The following PRRC2A variants were observed in gnomAD, a reference collection of about 807,000 sequenced individuals.
PRRC2A encodes proline rich coiled-coil 2A.
In PRRC2A, 59 loss-of-function variants were observed where a neutral mutation model predicts 224.6. The ratio of observed to expected loss-of-function variants is 0.26; its 90% CI spans 0.21 to 0.33. The LOEUF (loss-of-function observed/expected upper bound fraction) is 0.33, where lower values mean the gene tolerates loss of function less well. Ranked by LOEUF, PRRC2A falls within the 10% of genes least tolerant of loss-of-function variation. The pLI is 1.00. For missense variants in PRRC2A, 3,095 were observed against 2,880.7 expected, an observed-to-expected ratio of 1.07 and a Z score of -1.70; for synonymous variants, 1,194 against 1,109.5, an observed-to-expected ratio of 1.08 and a Z score of -1.51.
At chr6:31,626,206 A>G in intron 9 of PRRC2A, 44 bp downstream of exon 9, 1 of 1,587,470 alleles carries the variant, frequency 6.3e-7, no homozygotes, top group Non-Finnish European at 8.6e-7. Flanking sequence ...TTGAAAGGCA[A>G]AACCTAATGA....
In PRRC2A at chr6:31,635,562, A is replaced by G; in HGVS notation, c.5374-20A>G. 4 of 1,611,054 alleles carry G rather than the reference A, an allele frequency of 2.5e-6. No homozygotes were observed. The highest frequency in any genetic ancestry group is 3.4e-6 in the Non-Finnish European group (4 of 1,178,566). On this transcript the variant is annotated intron_variant, in intron 23 of 30. Transcript: ENST00000376033. ...TCCAGGATGCCAGACATCCCTCTCC[A>G]CGAGGCCTCTCCTTCCCAGGCCATT...
At position 31,631,862 on chromosome 6, in the gene PRRC2A, T is replaced by A. The variant is rs1235438957; in HGVS notation, c.3189T>A (p.Asp1063Glu). The change falls in exon 16 of 31, where the codon GAT becomes GAA. Residue 1063 changes from aspartate to glutamate, a missense_variant. Physicochemically the swap from Asp to Glu is conservative, Grantham distance 45. Transcript: ENST00000376033. This position sits in a 1 kb window ranked among gnomAD's most constrained non-coding sequence, Gnocchi z 4.5. ...EFRSYREFRG[D>E]DGRGGGTGGP... ...GCAGTTACCGAGAGTTTCGAGGAGA[T>A]GATGGGCGTGGAGGTGGGACAGGGG... 6.2e-7 allele frequency: 1 copy of A among 1,608,238 alleles called. No homozygotes were observed. The highest frequency in any genetic ancestry group is 8.5e-7 in the Non-Finnish European group (1 of 1,178,058).
intron 2 of PRRC2A, chr6:31,623,258 G>GTTTT: frequency 2.8e-6 from 1 of 360,412 alleles, no homozygotes; most frequent in Non-Finnish European, 5.0e-6. Flanking sequence ...GGATTTCATA[G>GTTTT]ATTTTTTTTT....
chr6:31,635,511 G>T (rs1398240516), intron 23 of PRRC2A, 46 bp downstream of exon 23: 1 of 1,612,174 alleles, frequency 6.2e-7, no homozygotes, highest in African/African-American at 1.3e-5. Flanking sequence ...GATTTCTGGG[G>T]AAGATTGCTG....
chr6:31,633,715 G>A (rs1776961617), intron 17 of PRRC2A, 68 bp downstream of exon 17: 1 of 1,545,172 alleles, frequency 6.5e-7, no homozygotes, highest in Admixed American at 2.0e-5. Flanking sequence ...GGAGGGAGCG[G>A]GTGGAGAACC....
At position 31,635,240 on chromosome 6, in the gene PRRC2A, G is replaced by A; in HGVS notation, c.5269G>A (p.Gly1757Ser). 6.2e-7 allele frequency: 1 copy of A among 1,614,194 alleles called. No individual in the cohort carries two copies. Among genetic ancestry groups the A allele is most frequent in the Non-Finnish European group, 8.5e-7 (1 of 1,180,032 alleles). Reference sequence around the variant, plus strand: ...CCCCATTCGGCCATCCCATCGACCTGGTCCCCCAGTCCAGTTTGGCACTAG... The same window carrying A: ...CCCCATTCGGCCATCCCATCGACCTAGTCCCCCAGTCCAGTTTGGCACTAG... Reference protein sequence around the residue: ...PGPIRPSHRPGPPVQFGTSDK... With the variant: ...PGPIRPSHRPSPPVQFGTSDK... Residue 1757 changes from glycine to serine, a missense_variant, in exon 22 of 31, where the codon GGT (glycine) becomes AGT (serine). Transcript: ENST00000376033.
intron 14 of PRRC2A, 111 bp from the exon 15 acceptor site, chr6:31,630,480 A>G (rs1776422428): frequency 9.3e-7 from 1 of 1,072,148 alleles, no homozygotes; most frequent in Non-Finnish European, 1.4e-6. Flanking sequence ...GCCCGGACCT[A>G]CTGGGAACAA....
chr6:31,631,074 C>A lies in PRRC2A; in HGVS notation c.2466-65C>A. ...AGAGTCTGCATCATAATAAAGTGTT[C>A]TTTTCCCACCTAGTTCTGGTTTTCC... is the stretch of plus-strand genomic sequence containing the variant. On this transcript the variant is annotated intron_variant, in intron 15 of 30. Transcript: ENST00000376033. The surrounding 1 kb of genome is among the most constrained non-coding windows in gnomAD (Gnocchi z 4.5). 7.1e-7 allele frequency: 1 copy of A among 1,400,194 alleles called. No individual in the cohort carries two copies. The highest frequency in any genetic ancestry group is 9.7e-7 in the Non-Finnish European group (1 of 1,032,754). The allele number at this position is 1,400,194 out of a possible 1,614,324, so 86.7% of individuals were successfully genotyped here. A position where few individuals can be genotyped will look rare whatever the true frequency, so the allele number is the denominator to read the frequency against.
intron 28 of PRRC2A, 29 bp from the exon 29 acceptor site, chr6:31,637,013 T>C: frequency 1.3e-6 from 2 of 1,595,802 alleles, no homozygotes; most frequent in East Asian, 2.2e-5. Context: ...TATTTCAAGG[T>C]AGGCAGCTCA....
Position 31,631,581 on chromosome 6 carries a change from G to C in PRRC2A, c.2908G>C (p.Glu970Gln). 6.4e-7 allele frequency: 1 copy of C among 1,570,986 alleles called. No homozygotes were observed. Among genetic ancestry groups the C allele is most frequent in the Non-Finnish European group, 8.6e-7 (1 of 1,163,168 alleles). Reference protein sequence around the residue: ...KVEELPPKPLEQGDETPKPPK... With the variant: ...KVEELPPKPLQQGDETPKPPK... ...AGAAGAGCTGCCTCCCAAGCCCCTC[G>C]AACAGGGGGATGAAACCCCCAAACC... Residue 970 changes from glutamate to glutamine, a missense_variant, in exon 16 of 31, where the codon GAA (glutamate) becomes CAA (glutamine). Transcript: ENST00000376033. This position sits in a 1 kb window ranked among gnomAD's most constrained non-coding sequence, Gnocchi z 4.5.
Position 31,637,494 on chromosome 6 carries a change from A to G in PRRC2A, c.6382A>G (p.Thr2128Ala), listed in dbSNP as rs1777631645. 3 of 1,575,232 alleles carry G rather than the reference A, an allele frequency of 1.9e-6. No individual in the cohort carries two copies. Among genetic ancestry groups the G allele is most frequent in the Non-Finnish European group, 2.6e-6 (3 of 1,160,600 alleles). ...LRWIPKPWER[T>A]GPPPREGPSR... Reference sequence around the variant, plus strand: ...CTGGATACCTAAGCCTTGGGAGCGGACAGGGCCGCCACCTCGAGAAGGGCC... The same window carrying G: ...CTGGATACCTAAGCCTTGGGAGCGGGCAGGGCCGCCACCTCGAGAAGGGCC... The change falls in exon 31 of 31, where the codon ACA becomes GCA. Residue 2128 changes from threonine to alanine, a missense_variant. Transcript: ENST00000376033.
In PRRC2A at chr6:31,631,103, GATA is replaced by G; in HGVS notation, c.2466-35_2466-33del. 6.9e-7 allele frequency: 1 copy of G among 1,439,702 alleles called. No homozygotes were observed. Among genetic ancestry groups the G allele is most frequent in the Non-Finnish European group, 9.4e-7 (1 of 1,066,686 alleles). The allele number at this position is 1,439,702 out of a possible 1,614,324, so 89.2% of individuals were successfully genotyped here. On this transcript the variant is annotated intron_variant, in intron 15 of 30. Transcript: ENST00000376033. The surrounding 1 kb of genome is among the most constrained non-coding windows in gnomAD (Gnocchi z 4.5). Reference sequence around the variant, plus strand: ...TCCCACCTAGTTCTGGTTTTCCTGAGATACTTATTTCCATTCTTTCTGTCTGTC... The same window carrying G: ...TCCCACCTAGTTCTGGTTTTCCTGAGCTTATTTCCATTCTTTCTGTCTGTC...
intron 2 of PRRC2A, 39 bp downstream of exon 2, chr6:31,622,940 T>G: frequency 6.7e-7 from 1 of 1,499,648 alleles, no homozygotes. Flanking sequence ...GGTTGAAAGC[T>G]AGGCATGCAT....
In PRRC2A at chr6:31,625,683, T is replaced by C; in HGVS notation, c.759+72T>C. The C allele has an allele frequency of 6.3e-7, 1 of 1,597,974 alleles. No homozygotes were observed. Among genetic ancestry groups the C allele is most frequent in the Non-Finnish European group, 8.6e-7 (1 of 1,165,558 alleles). ...GAGCTAGGAATCAGGACTTAGTCTT[T>C]GACCTATGAGATAGAAGGGAGGGTG... On this transcript the variant is annotated intron_variant, in intron 7 of 30. Coordinates refer to ENST00000376033, the MANE Select transcript of PRRC2A (RefSeq NM_004638.4). The surrounding 1 kb of genome is among the most constrained non-coding windows in gnomAD (Gnocchi z 4.1).
Position 31,635,754 on chromosome 6 carries a change from G to A in PRRC2A, c.5541+5G>A. On this transcript the variant is annotated splice_donor_5th_base_variant and intron_variant, in intron 24 of 30. Coordinates refer to ENST00000376033, the MANE Select transcript of PRRC2A (RefSeq NM_004638.4). ...GCTGGGCCTTCCAGTTCTCAGGTAGGCCCCGCTTCCCATTGCATGACCCCT... is the reference window on the plus strand; with the variant it reads ...GCTGGGCCTTCCAGTTCTCAGGTAGACCCCGCTTCCCATTGCATGACCCCT... 3 of 1,573,342 alleles carry A rather than the reference G, an allele frequency of 1.9e-6. No individual in the cohort carries two copies. The South Asian group carries it at 3.5e-5, about 18-fold the overall frequency.
In PRRC2A at chr6:31,627,254, T is replaced by G; in HGVS notation, c.1290+56T>G. The G allele has an allele frequency of 1.5e-6, 2 of 1,294,520 alleles. No homozygotes were observed. Among genetic ancestry groups the G allele is most frequent in the Non-Finnish European group, 2.2e-6 (2 of 917,116 alleles). The allele number at this position is 1,294,520 out of a possible 1,614,324, so 80.2% of individuals were successfully genotyped here. A position where few individuals can be genotyped will look rare whatever the true frequency, so the allele number is the denominator to read the frequency against. On this transcript the variant is annotated intron_variant, in intron 11 of 30. Coordinates refer to ENST00000376033, the MANE Select transcript of PRRC2A (RefSeq NM_004638.4). The surrounding 1 kb of genome is among the most constrained non-coding windows in gnomAD (Gnocchi z 5.6). ...TCAGCTGTGGGAAATTGGTGTCAGCTGAGTAATTGAAGCGGTTGTGATATA... is the reference window on the plus strand; with the variant it reads ...TCAGCTGTGGGAAATTGGTGTCAGCGGAGTAATTGAAGCGGTTGTGATATA...
At chr6:31,626,892 AG>A (rs765826975) in intron 10 of PRRC2A, 30 bp downstream of exon 10, 165 of 1,612,702 alleles carry the variant, frequency 1.0e-4, no homozygotes, top group Non-Finnish European at 5.1e-6. Flanking sequence ...GGAGAAGAGG[AG>A]GGGGTCTTGG....
At position 31,627,624 on chromosome 6, in the gene PRRC2A, T is replaced by TTTGGG. The variant is rs1776060598; in HGVS notation, c.1291-138_1291-137insGGTTG. On this transcript the variant is annotated intron_variant, in intron 11 of 30. Transcript: ENST00000376033. The surrounding 1 kb of genome is among the most constrained non-coding windows in gnomAD (Gnocchi z 5.6). ...TCTCAAAGAAGACCAGGATAATGAG[T>TTTGGG]TTGTCACCACCCAGAGAGATCAACC... The TTTGGG allele has an allele frequency of 9.1e-7, 1 of 1,100,804 alleles. No individual in the cohort carries two copies. Among genetic ancestry groups the TTTGGG allele is most frequent in the Non-Finnish European group, 1.3e-6 (1 of 789,914 alleles). 68.2% of individuals were successfully genotyped at this position (1,100,804 alleles called of 1,614,324 possible).
Position 31,634,883 on chromosome 6 carries a change from G to A in PRRC2A, c.5066G>A (p.Gly1689Asp). Residue 1689 changes from glycine to aspartate, a missense_variant, in exon 21 of 31, where the codon GGC (glycine) becomes GAC (aspartate). By Grantham distance (94) the Gly-to-Asp change is moderately conservative. Coordinates refer to ENST00000376033, the MANE Select transcript of PRRC2A (RefSeq NM_004638.4). Reference protein sequence around the residue: ...AAEGPPKRPGGSSPLNAVPCE... With the variant: ...AAEGPPKRPGDSSPLNAVPCE... Reference sequence around the variant, plus strand: ...GAGGGACCCCCCAAGAGGCCTGGAGGCTCCTCACCCCTGAATGCTGTTCCT... The same window carrying A: ...GAGGGACCCCCCAAGAGGCCTGGAGACTCCTCACCCCTGAATGCTGTTCCT... 1 of 1,612,994 alleles carries A rather than the reference G, an allele frequency of 6.2e-7. No individual in the cohort carries two copies. Among genetic ancestry groups the A allele is most frequent in the Non-Finnish European group, 8.5e-7 (1 of 1,180,006 alleles).
Sources: gnomAD v4.1 joint callset for allele counts on GRCh38, gnomAD v4.1.1 for gene constraint, Gnocchi (gnomAD v3.1) non-coding constraint, MANE v1.5 for transcripts, NCBI Gene and HGNC (gene_info 2026-07-23, HGNC 2026-07-21) for gene names.